The following SFRP1 variants were observed in gnomAD, a reference collection of about 807,000 sequenced individuals.
The protein encoded by SFRP1 is secreted frizzled-related protein 1.
Under a neutral mutation model 25.9 loss-of-function variants are expected in SFRP1, and 9 were observed. The ratio of observed to expected loss-of-function variants is 0.35; its 90% CI spans 0.21 to 0.61. The LOEUF is 0.61. Ranked by LOEUF, SFRP1 falls within the 20% of genes least tolerant of loss-of-function variation. SFRP1 has a pLI of 0.78. For synonymous variants in SFRP1, 178 were observed against 174.0 expected (o/e 1.02, Z -0.18); for missense variants, 346 against 418.2 (o/e 0.83, Z 1.51).
intron 2 of SFRP1, among the ~76,000 whole-genome samples, chr8:41,271,869 T>C (rs184786488): frequency 6.6e-6 from 1 of 151,886 alleles, no homozygotes; most frequent in Admixed American, 6.6e-5. Context: ...GAAGCTGAGA[T>C]GAGAAGATCA....
At chr8:41,300,934 T>A (rs557675073) in intron 2 of SFRP1, among the ~76,000 whole-genome samples, 6 of 152,296 alleles carry the variant, frequency 3.9e-5, no homozygotes, top group Admixed American at 6.5e-5. Context: ...TCTGCTCATG[T>A]TTTTTTCCTG....
At chr8:41,308,551 TC>T in intron 1 of SFRP1, 64 bp downstream of exon 1, 4 of 1,344,138 alleles carry the variant, frequency 3.0e-6, no homozygotes, top group Non-Finnish European at 3.0e-6. Flanking sequence ...TGGCGCGGGT[TC>T]TCCTGCAGCT....
intron 2 of SFRP1, among the ~76,000 whole-genome samples, chr8:41,288,231 G>A (rs1213290011): frequency 6.6e-6 from 1 of 151,932 alleles, no homozygotes; most frequent in Admixed American, 6.6e-5. Context: ...TGTGGGACGT[G>A]CCTGTAATCC....
chr8:41,301,984 C>T (rs1803923373), intron 2 of SFRP1, among the ~76,000 whole-genome samples: 1 of 152,232 alleles, frequency 6.6e-6, no homozygotes, highest in African/African-American at 2.4e-5. Context: ...AATTCTTTCC[C>T]AGGCTTGCCT....
chr8:41,289,931 C>T (rs1236013682), intron 2 of SFRP1, among the ~76,000 whole-genome samples: 1 of 152,224 alleles, frequency 6.6e-6, no homozygotes, highest in Non-Finnish European at 1.5e-5. Context: ...AAGTGACCCT[C>T]GGGCCTCACC....
At chr8:41,294,881 G>A (rs1803822684) in intron 2 of SFRP1, among the ~76,000 whole-genome samples, 1 of 152,070 alleles carries the variant, frequency 6.6e-6, no homozygotes, top group Non-Finnish European at 1.5e-5. Context: ...CCGCTTTGAG[G>A]AGTTGGGATG....
At chr8:41,283,238 C>T (rs1803657222) in intron 2 of SFRP1, among the ~76,000 whole-genome samples, 1 of 152,158 alleles carries the variant, frequency 6.6e-6, no homozygotes. Context: ...AATTAGACCA[C>T]CAGGTAGGCG....
intron 1 of SFRP1, among the ~76,000 whole-genome samples, chr8:41,305,334 A>G (rs1372456366): frequency 1.3e-5 from 2 of 152,184 alleles, no homozygotes; most frequent in Non-Finnish European, 2.9e-5. Flanking sequence ...GCCTGAACCA[A>G]TCGGCCAAGG....
In SFRP1 at chr8:41,265,138, G is replaced by GGCCCCCCCC; in HGVS notation, c.*28_*29insGGGGGGGGC. ...CCCCCCCGCTCCCACCCCACCCGAG[G>GGCCCCCCCC]CTCCCTCCCCACCCTGCCCCCGGGA... On this transcript the variant is annotated 3_prime_UTR_variant, in exon 3 of 3. Coordinates refer to ENST00000220772, the MANE Select transcript of SFRP1 (RefSeq NM_003012.5). 3 of 508,950 alleles carry GGCCCCCCCC rather than the reference G, an allele frequency of 5.9e-6. No homozygotes were observed. Among genetic ancestry groups the GGCCCCCCCC allele is most frequent in the Non-Finnish European group, 9.9e-6 (3 of 302,258 alleles). 31.5% of individuals were successfully genotyped at this position (508,950 alleles called of 1,614,324 possible).
rs1352571037 is a variant in SFRP1 at position 41,265,103 on chromosome 8, G to A, written c.*64C>T. The stretch of plus-strand genomic sequence containing the variant: ...CGTGTGTGTGACCCACCGGGTTCCC[G>A]GGGCACTGTCCCCCCCGCTCCCACC... On this transcript the variant is annotated 3_prime_UTR_variant, in exon 3 of 3. Coordinates refer to ENST00000220772, the MANE Select transcript of SFRP1 (RefSeq NM_003012.5). The A allele has an allele frequency of 6.1e-6, 7 of 1,148,218 alleles. No individual in the cohort carries two copies. Among genetic ancestry groups the A allele is most frequent in the East Asian group, 5.2e-5 (2 of 38,694 alleles). The allele number at this position is 1,148,218 out of a possible 1,614,324, so 71.1% of individuals were successfully genotyped here. A position where few individuals can be genotyped will look rare whatever the true frequency, so the allele number is the denominator to read the frequency against.
At chr8:41,297,314 G>A (rs570638877) in intron 2 of SFRP1, among the ~76,000 whole-genome samples, 2 of 152,214 alleles carry the variant, frequency 1.3e-5, no homozygotes, top group Non-Finnish European at 2.9e-5. Context: ...AAAGTGCTGG[G>A]ATTACAGGTG....
chr8:41,290,804 C>T (rs1803766671), intron 2 of SFRP1, among the ~76,000 whole-genome samples: 1 of 150,958 alleles, frequency 6.6e-6, no homozygotes, highest in Admixed American at 6.6e-5. Context: ...AAATGTCTCA[C>T]CACTGATGTC....
Position 41,265,329 on chromosome 8 carries a change from C to T in SFRP1, c.783G>A (p.Leu261=). The change falls in exon 3 of 3, where the codon CTG becomes CTA. Residue 261 remains leucine, a synonymous_variant. Transcript: ENST00000220772. ...TGAGGAAGTGGTGGCTGAGGTTGTC[C>T]AGCTGGTGGCAGGGACAGTCAGCCC... ...KNGADCPCHQ[L]DNLSHHFLIM... 1.2e-6 allele frequency: 2 copies of T among 1,614,138 alleles called. No individual in the cohort carries two copies. The highest frequency in any genetic ancestry group is 1.1e-5 in the South Asian group (1 of 91,074).
At chr8:41,289,879 C>A in intron 2 of SFRP1, among the ~76,000 whole-genome samples, 1 of 152,236 alleles carries the variant, frequency 6.6e-6, no homozygotes, top group East Asian at 1.9e-4. Context: ...AGTGGATTAG[C>A]AGCATGCTCT....
intron 2 of SFRP1, among the ~76,000 whole-genome samples, chr8:41,287,176 T>C (rs1190757832): frequency 6.6e-6 from 1 of 152,236 alleles, no homozygotes; most frequent in Non-Finnish European, 1.5e-5. Flanking sequence ...CACATCTGTT[T>C]TCTTCCTGAC....
In SFRP1 at chr8:41,265,000, G is replaced by T; in HGVS notation, c.*167C>A. ...TGGCTACCCTGGGGTTTGGAGCGTG[G>T]CTATGGAGGGAAGGGAGCGGGAATG... On this transcript the variant is annotated 3_prime_UTR_variant, in exon 3 of 3. Transcript: ENST00000220772. The T allele has an allele frequency of 1.7e-6, 1 of 604,506 alleles. No individual in the cohort carries two copies. Among genetic ancestry groups the T allele is most frequent in the Middle Eastern group, 4.4e-4 (1 of 2,256 alleles). 37.4% of individuals were successfully genotyped at this position (604,506 alleles called of 1,614,324 possible).
At chr8:41,298,025 C>G (rs1202565553) in intron 2 of SFRP1, 1 of 152,116 alleles carries the variant, frequency 6.6e-6, no homozygotes, top group Non-Finnish European at 1.5e-5. Flanking sequence ...GTAGAGTGCT[C>G]TTGGGTCACT....
chr8:41,286,586 G>A (rs899201804), intron 2 of SFRP1, among the ~76,000 whole-genome samples: 1 of 152,122 alleles, frequency 6.6e-6, no homozygotes, highest in South Asian at 2.1e-4. Flanking sequence ...CGTTCCCAAA[G>A]AGTCACAGCC....
chr8:41,285,054 A>G (rs758636268), intron 2 of SFRP1, among the ~76,000 whole-genome samples: 4 of 152,210 alleles, frequency 2.6e-5, no homozygotes, highest in South Asian at 2.1e-4. Context: ...GTTTTCCACA[A>G]TGGAGTTCCG....
Sources: allele counts gnomAD v4.1 joint callset (sites outside exome capture counted in the v4.1 genomes callset), GRCh38; gene constraint gnomAD v4.1.1; transcripts MANE v1.5; gene names NCBI Gene and HGNC (gene_info 2026-07-23, HGNC 2026-07-21).